ADAMTS17: variants seen among roughly 807,000 people sequenced by gnomAD.
ADAMTS17 encodes the protein A disintegrin and metalloproteinase with thrombospondin motifs 17.
In ADAMTS17, 113 loss-of-function variants were observed where a neutral mutation model predicts 141.5. That is an observed-to-expected ratio of 0.80 (90% CI 0.69 to 0.93). The LOEUF (loss-of-function observed/expected upper bound fraction) is 0.93. ADAMTS17 is among the 40% of genes least tolerant of loss of function. ADAMTS17 has a pLI of 0.00. For synonymous variants in ADAMTS17, 768 were observed against 630.6 expected, an observed-to-expected ratio of 1.22 and a Z score of -3.27; for missense variants, 1,659 against 1,517.9, an observed-to-expected ratio of 1.09 and a Z score of -1.54.
chr15:100,096,615 A>C (rs749580007), intron 14 of ADAMTS17, 139 bp from the exon 15 acceptor site: 47 of 1,074,444 alleles, frequency 4.4e-5, no homozygotes, highest in South Asian at 5.6e-5. Flanking sequence ...GGCCCAAGAA[A>C]ATATTTTAAT....
intron 16 of ADAMTS17, 142 bp from the exon 17 acceptor site, chr15:100,051,873 C>T (rs1292862477): frequency 3.8e-6 from 4 of 1,042,414 alleles, no homozygotes; most frequent in Admixed American, 3.7e-5. Context: ...ACAGGTTCCA[C>T]TGAGGGTGCT....
chr15:100,267,740 A>C (rs1399139062), intron 4 of ADAMTS17, among the ~76,000 whole-genome samples: 1 of 152,008 alleles, frequency 6.6e-6, no homozygotes, highest in African/African-American at 2.4e-5. Flanking sequence ...TTTTATTTCT[A>C]ATCTTTGTGG....
chr15:100,268,638 G>T (rs543690181), intron 4 of ADAMTS17, among the ~76,000 whole-genome samples: 31 of 152,118 alleles, frequency 2.0e-4, no homozygotes, highest in Non-Finnish European at 3.4e-4. Flanking sequence ...TTTTAATGGG[G>T]TTGCTTTTGC....
chr15:100,269,192 A>G (rs2043819907), intron 4 of ADAMTS17, among the ~76,000 whole-genome samples: 1 of 152,224 alleles, frequency 6.6e-6, no homozygotes, highest in South Asian at 2.1e-4. Context: ...AAAACATCGG[A>G]AATACCTTTC....
rs1010675697 is a variant in ADAMTS17, at chr15:100,341,135, G to T, written c.354C>A (p.Arg118=). The part of the protein sequence containing the change: ...EVEEAGAARR[R]GRPAELCFYS... ...AGAAGCACAGCTCGGCGGGGCGGCC[G>T]CGGCGCCGGGCCGCGCCCGCCTCCT... Residue 118 remains arginine (R), a synonymous_variant, in exon 2 of 22, where the codon CGC becomes CGA. Coordinates refer to ENST00000268070, the MANE Select transcript of ADAMTS17 (RefSeq NM_139057.4). 4.3e-5 allele frequency: 62 copies of T among 1,430,502 alleles called. No individual in the cohort carries two copies. Among genetic ancestry groups the T allele is most frequent in the Non-Finnish European group, 5.0e-5 (55 of 1,100,758 alleles). 88.6% of individuals were successfully genotyped at this position (1,430,502 alleles called of 1,614,324 possible).
chr15:100,209,110 TAG>T (rs2041693424), intron 7 of ADAMTS17, among the ~76,000 whole-genome samples: 2 of 24,382 alleles, frequency 8.2e-5, no homozygotes, highest in Non-Finnish European at 1.7e-4. Flanking sequence ...TTTGCCAAGT[TAG>T]CAAAAAAAAA....
At chr15:100,126,543 G>C (rs1163520570) in intron 12 of ADAMTS17, 1 of 152,226 alleles carries the variant, frequency 6.6e-6, no homozygotes, top group Non-Finnish European at 1.5e-5. Context: ...GTGACAGATA[G>C]GCCTCATGTG....
chr15:100,148,700 T>C (rs938143362), intron 10 of ADAMTS17, among the ~76,000 whole-genome samples: 1 of 152,108 alleles, frequency 6.6e-6, no homozygotes, highest in Non-Finnish European at 1.5e-5. Context: ...ATTGAGTATT[T>C]TTCTAGATTT....
chr15:100,097,169 T>A (rs563281598), intron 14 of ADAMTS17, among the ~76,000 whole-genome samples: 1 of 152,320 alleles, frequency 6.6e-6, no homozygotes, highest in South Asian at 2.1e-4. Flanking sequence ...TCTTTTTTTC[T>A]TTTTTAAAAA....
At chr15:99,977,401 A>AAT (rs1567632689) in intron 20 of ADAMTS17, among the ~76,000 whole-genome samples, 1 of 5,154 alleles carries the variant, frequency 1.9e-4, no homozygotes, top group Non-Finnish European at 3.6e-4. Flanking sequence ...TATATATATA[A>AAT]TTTTTTTTTT....
intron 4 of ADAMTS17, among the ~76,000 whole-genome samples, chr15:100,278,220 T>C (rs1279682545): frequency 2.0e-5 from 3 of 151,802 alleles, no homozygotes; most frequent in Admixed American, 1.3e-4. Context: ...TGGAGGTGGA[T>C]GGTGGTGGTG....
chr15:100,318,887 G>C lies in ADAMTS17; in HGVS notation c.616+12002C>G, dbSNP rs7177187. ...AGAGTGGCTGGACAACCCCGCCCAT[G>C]GCACAGGGGTGCAGGGAAGTCTGTC... On this transcript the variant is annotated intron_variant, in intron 3 of 21. Transcript: ENST00000268070. Among the ~76,000 whole-genome samples the C allele has an allele frequency of 3.0e-3, 463 of 152,328 alleles. 2 individuals carry two copies. The highest frequency in any genetic ancestry group is 0.011 in the African/African-American group (446 of 41,560).
chr15:99,979,918 A>G (rs1315822796), intron 20 of ADAMTS17: 3 of 152,238 alleles, frequency 2.0e-5, no homozygotes, highest in African/African-American at 7.2e-5. Flanking sequence ...AGAGACTTTT[A>G]TATCTAAATG....
At chr15:100,321,732 T>C (rs2045739776) in intron 3 of ADAMTS17, among the ~76,000 whole-genome samples, 1 of 152,094 alleles carries the variant, frequency 6.6e-6, no homozygotes. Context: ...AAGGTAAAAC[T>C]GGCCAAGCCA....
At chr15:100,227,431 T>G (rs2042345282) in intron 7 of ADAMTS17, among the ~76,000 whole-genome samples, 1 of 152,156 alleles carries the variant, frequency 6.6e-6, no homozygotes, top group Non-Finnish European at 1.5e-5. Context: ...TCCACCCACT[T>G]TTCTTTATCT....
chr15:100,311,344 G>C (rs1046243635), intron 3 of ADAMTS17, among the ~76,000 whole-genome samples: 1 of 152,210 alleles, frequency 6.6e-6, no homozygotes, highest in African/African-American at 2.4e-5. Context: ...CGCTCACTCA[G>C]CCGCCTGGCC....
At chr15:100,281,634 C>A (rs1402582760) in intron 3 of ADAMTS17, among the ~76,000 whole-genome samples, 3 of 152,198 alleles carry the variant, frequency 2.0e-5, no homozygotes, top group Non-Finnish European at 2.9e-5. Context: ...GGGGCCCACA[C>A]CCAACTCCCA....
intron 8 of ADAMTS17, among the ~76,000 whole-genome samples, chr15:100,180,739 T>C (rs879902390): frequency 2.6e-5 from 4 of 152,242 alleles, no homozygotes; most frequent in Non-Finnish European, 4.4e-5. Flanking sequence ...TTTTACTTCT[T>C]TGGTTAAGTT....
At chr15:100,162,887 TGTGTATATAG>T (rs1220350337) in intron 8 of ADAMTS17, among the ~76,000 whole-genome samples, 27 of 146,792 alleles carry the variant, frequency 1.8e-4, no homozygotes, top group African/African-American at 6.7e-4. Flanking sequence ...TGTATATATA[TGTGTATATAG>T]AACTATATAT....
Sources: gnomAD v4.1 joint callset for allele counts (sites outside exome capture counted in the v4.1 genomes callset) on GRCh38, gnomAD v4.1.1 for gene constraint, MANE v1.5 for transcripts, NCBI Gene and HGNC (gene_info 2026-07-23, HGNC 2026-07-21) for gene names.